The following HNF1B variants were observed in gnomAD, a reference collection of about 807,000 sequenced individuals.
HNF1B encodes the protein hepatocyte nuclear factor 1-beta.
A neutral mutation model predicts 61.7 loss-of-function variants in HNF1B; 8 were observed. The observed-to-expected ratio is 0.13, with a 90% confidence interval of 0.08 to 0.23. HNF1B has a LOEUF of 0.23. HNF1B is among the 10% of genes least tolerant of loss of function. The pLI, the probability that HNF1B is intolerant of heterozygous loss-of-function variation, is 1.00. For missense variants in HNF1B, 562 were observed against 714.5 expected, an observed-to-expected ratio of 0.79 and a Z score of 2.43; for synonymous variants, 314 against 287.7, an observed-to-expected ratio of 1.09 and a Z score of -0.93.
intron 8 of HNF1B, among the ~76,000 whole-genome samples, chr17:37,689,148 A>G (rs1239948716): frequency 7.1e-6 from 1 of 140,602 alleles, no homozygotes. Context: ...TGGTCTCACA[A>G]AAAAAAAAAA....
intron 2 of HNF1B, among the ~76,000 whole-genome samples, chr17:37,735,655 T>A (rs1023063380): frequency 6.6e-6 from 1 of 152,184 alleles, no homozygotes; most frequent in African/African-American, 2.4e-5. Flanking sequence ...TCTCCCCAGC[T>A]GTGGAATGAG....
At chr17:37,733,249 G>T (rs544319974) in intron 3 of HNF1B, among the ~76,000 whole-genome samples, 2 of 152,298 alleles carry the variant, frequency 1.3e-5, no homozygotes, top group African/African-American at 4.8e-5. Flanking sequence ...TCATGGGGTT[G>T]TTTGTACTCT....
intron 1 of HNF1B, among the ~76,000 whole-genome samples, chr17:37,742,345 C>G (rs1461352682): frequency 6.6e-6 from 1 of 152,220 alleles, no homozygotes; most frequent in Non-Finnish European, 1.5e-5. Flanking sequence ...GCAGTCCCGA[C>G]CTTCCTCCCC....
intron 8 of HNF1B, 63 bp from the exon 9 acceptor site, chr17:37,687,455 T>C (rs2032015834): frequency 1.5e-6 from 2 of 1,331,196 alleles, no homozygotes; most frequent in East Asian, 4.6e-5. Context: ...GGGCCATTAG[T>C]TTGGCTTCTC....
chr17:37,711,105 C>T (rs911289610), intron 4 of HNF1B, among the ~76,000 whole-genome samples: 7 of 152,214 alleles, frequency 4.6e-5, no homozygotes, highest in Non-Finnish European at 5.9e-5. Context: ...TGGCATCCCT[C>T]GTGGTGCTGC....
chr17:37,742,176 CA>C (rs1568673087), intron 1 of HNF1B, among the ~76,000 whole-genome samples: 1 of 152,252 alleles, frequency 6.6e-6, no homozygotes, highest in Non-Finnish European at 1.5e-5. Context: ...TGCCCACGAG[CA>C]GAGAAGCCTG....
chr17:37,708,317 G>A (rs545733741), intron 5 of HNF1B, among the ~76,000 whole-genome samples: 12 of 152,300 alleles, frequency 7.9e-5, no homozygotes, highest in African/African-American at 2.9e-4. Context: ...GAAAAGCCAG[G>A]CCCTGCAAAC....
intron 1 of HNF1B, among the ~76,000 whole-genome samples, chr17:37,740,745 G>C (rs2033968549): frequency 6.6e-6 from 1 of 152,012 alleles, no homozygotes; most frequent in Admixed American, 6.6e-5. Context: ...TTGTTTTCCT[G>C]TATTATGTTT....
intron 4 of HNF1B, chr17:37,730,252 T>C (rs2033643028): frequency 1.2e-4 from 19 of 152,804 alleles, no homozygotes. Context: ...TACTGCTCAG[T>C]GCCAGCCATG....
chr17:37,711,810 T>G (rs1473035422), intron 4 of HNF1B, among the ~76,000 whole-genome samples: 1 of 152,208 alleles, frequency 6.6e-6, no homozygotes, highest in Non-Finnish European at 1.5e-5. Context: ...CACGTCTTCC[T>G]TTGCCCAGTT....
intron 4 of HNF1B, among the ~76,000 whole-genome samples, chr17:37,726,778 TCTC>T (rs2033513390): frequency 6.6e-6 from 1 of 152,094 alleles, no homozygotes. Flanking sequence ...GAAATAAATG[TCTC>T]CTCTTTGGTG....
At chr17:37,699,680 G>A (rs970980846) in intron 7 of HNF1B, among the ~76,000 whole-genome samples, 2 of 152,212 alleles carry the variant, frequency 1.3e-5, no homozygotes, top group Non-Finnish European at 2.9e-5. Context: ...TGGGGTAAGT[G>A]GGGAGCACAT....
At chr17:37,723,310 G>T (rs1305959600) in intron 4 of HNF1B, among the ~76,000 whole-genome samples, 1 of 151,830 alleles carries the variant, frequency 6.6e-6, no homozygotes, top group Admixed American at 6.6e-5. Flanking sequence ...TCGCGCCACT[G>T]CACTCCAGCC....
At chr17:37,688,596 C>T (rs1182914473) in intron 8 of HNF1B, among the ~76,000 whole-genome samples, 1 of 152,160 alleles carries the variant, frequency 6.6e-6, no homozygotes, top group Non-Finnish European at 1.5e-5. Flanking sequence ...GCCACAGCTT[C>T]AAACTAGCTG....
At chr17:37,688,767 GT>G in intron 8 of HNF1B, among the ~76,000 whole-genome samples, 1 of 152,280 alleles carries the variant, frequency 6.6e-6, no homozygotes, top group East Asian at 1.9e-4. Flanking sequence ...CACCTGTGGA[GT>G]CCTGAGCATG....
chr17:37,687,697 G>C (rs531027773), intron 8 of HNF1B, among the ~76,000 whole-genome samples: 1 of 152,194 alleles, frequency 6.6e-6, no homozygotes, highest in Non-Finnish European at 1.5e-5. Context: ...TGTGACAGTG[G>C]CATTTATAGA....
intron 7 of HNF1B, among the ~76,000 whole-genome samples, chr17:37,699,521 A>G (rs1182126877): frequency 6.6e-6 from 1 of 152,192 alleles, no homozygotes; most frequent in Non-Finnish European, 1.5e-5. Context: ...GCAGGGAGGC[A>G]GGTTATTTCC....
chr17:37,702,756 C>T (rs749874636), intron 6 of HNF1B, among the ~76,000 whole-genome samples: 1 of 152,212 alleles, frequency 6.6e-6, no homozygotes, highest in Non-Finnish European at 1.5e-5. Flanking sequence ...AATATACATT[C>T]CTGGGCCCCA....
intron 8 of HNF1B, among the ~76,000 whole-genome samples, chr17:37,690,785 C>T (rs2147417543): frequency 6.6e-6 from 1 of 152,318 alleles, no homozygotes; most frequent in East Asian, 1.9e-4. Flanking sequence ...ACGTTGAATT[C>T]AAGAGGCTTA....
Sources: gnomAD v4.1 joint callset for allele counts (sites outside exome capture counted in the v4.1 genomes callset) on GRCh38, gnomAD v4.1.1 for gene constraint, MANE v1.5 for transcripts, NCBI Gene and HGNC (gene_info 2026-07-23, HGNC 2026-07-21) for gene names.